Variants in NUBPL observed in about 807,000 individuals in gnomAD.
NUBPL encodes iron-sulfur cluster transfer protein NUBPL.
A neutral mutation model predicts 45.7 loss-of-function variants in NUBPL; 31 were observed. That is an observed-to-expected ratio of 0.68 (90% CI 0.51 to 0.92). The LOEUF is 0.92. Ranked by LOEUF, NUBPL falls within the 40% of genes least tolerant of loss-of-function variation. The pLI is 0.00. For synonymous variants in NUBPL, 144 were observed against 140.9 expected (o/e 1.02, Z -0.15); for missense variants, 401 against 398.7 (o/e 1.01, Z -0.05).
At chr14:31,707,848 C>A (rs1409915122) in intron 6 of NUBPL, among the ~76,000 whole-genome samples, 1 of 152,158 alleles carries the variant, frequency 6.6e-6, no homozygotes, top group Non-Finnish European at 1.5e-5. Flanking sequence ...TACTGAAGGA[C>A]CAGAGTGCCT....
At chr14:31,676,860 A>AT (rs1457052883) in intron 6 of NUBPL, among the ~76,000 whole-genome samples, 1 of 151,786 alleles carries the variant, frequency 6.6e-6, no homozygotes, top group African/African-American at 2.4e-5. Flanking sequence ...TATTGGGAGT[A>AT]TTTATCCCAG....
At chr14:31,811,001 G>C (rs1708160537) in intron 7 of NUBPL, among the ~76,000 whole-genome samples, 1 of 152,294 alleles carries the variant, frequency 6.6e-6, no homozygotes, top group Non-Finnish European at 1.5e-5. Flanking sequence ...TTAGTCTGAT[G>C]GGCTTCCCTT....
chr14:31,776,299 C>G (rs2039096767), intron 6 of NUBPL, among the ~76,000 whole-genome samples: 1 of 152,144 alleles, frequency 6.6e-6, no homozygotes, highest in South Asian at 2.1e-4. Flanking sequence ...ATTCTAAAAT[C>G]ATTGCTTTCG....
intron 7 of NUBPL, among the ~76,000 whole-genome samples, chr14:31,806,462 C>T (rs2039688343): frequency 6.6e-6 from 1 of 152,134 alleles, no homozygotes; most frequent in African/African-American, 2.4e-5. Flanking sequence ...TGAACAAACA[C>T]TGGAAACCAA....
intron 4 of NUBPL, among the ~76,000 whole-genome samples, chr14:31,669,573 A>G (rs1285738084): frequency 6.6e-6 from 1 of 151,672 alleles, no homozygotes; most frequent in Non-Finnish European, 1.5e-5. Flanking sequence ...CAGATATTAA[A>G]CCTAGTACTC....
At chr14:31,679,545 A>G (rs1019097741) in intron 6 of NUBPL, among the ~76,000 whole-genome samples, 7 of 152,198 alleles carry the variant, frequency 4.6e-5, no homozygotes, top group Non-Finnish European at 1.0e-4. Context: ...ATTTATTTAT[A>G]TATTAGATAA....
chr14:31,631,155 T>C (rs976010513), intron 4 of NUBPL, among the ~76,000 whole-genome samples: 4 of 152,182 alleles, frequency 2.6e-5, no homozygotes, highest in East Asian at 1.9e-4. Context: ...TCAGGAGTTA[T>C]AGTCTTCCCT....
intron 4 of NUBPL, among the ~76,000 whole-genome samples, chr14:31,660,024 T>C (rs2036231030): frequency 6.6e-6 from 1 of 152,196 alleles, no homozygotes; most frequent in Non-Finnish European, 1.5e-5. Flanking sequence ...ATAAATGGAA[T>C]TTTAATATTA....
intron 6 of NUBPL, among the ~76,000 whole-genome samples, chr14:31,786,960 A>G (rs1296983146): frequency 3.9e-5 from 6 of 152,220 alleles, no homozygotes; most frequent in African/African-American, 9.6e-5. Context: ...AGGCTTTAAT[A>G]ATAACAGATG....
intron 6 of NUBPL, among the ~76,000 whole-genome samples, chr14:31,725,432 C>T (rs2037899006): frequency 6.6e-6 from 1 of 152,074 alleles, no homozygotes; most frequent in South Asian, 2.1e-4. Flanking sequence ...TTTTGGATAT[C>T]AGATTTTTTT....
rs35735613 is a variant in NUBPL, at chr14:31,739,252, A to AT, written c.514-48516dup. ...TATATATTATATTCTATATATATAT[A>AT]TTTTTTTTTTTTAGTAGAGATGGGG... On this transcript the variant is annotated intron_variant, in intron 6 of 10. Transcript: ENST00000281081. Among the ~76,000 whole-genome samples, 309 of 110,800 alleles carry AT rather than the reference A, an allele frequency of 2.8e-3. 2 individuals carry two copies. The highest frequency in any genetic ancestry group is 0.014 in the African/African-American group (251 of 18,362). 72.7% of individuals were successfully genotyped at this position (110,800 alleles called of 152,430 possible). A position where few individuals can be genotyped will look rare whatever the true frequency, so the allele number is the denominator to read the frequency against.
intron 6 of NUBPL, among the ~76,000 whole-genome samples, chr14:31,769,159 C>T (rs1350059821): frequency 3.3e-5 from 5 of 152,090 alleles, no homozygotes; most frequent in Non-Finnish European, 4.4e-5. Flanking sequence ...CAGTGTCCGG[C>T]GCAACATATT....
intron 4 of NUBPL, among the ~76,000 whole-genome samples, chr14:31,605,731 TCTTCTTCTTCTTCTTC>T (rs2139580441): frequency 6.6e-6 from 1 of 150,974 alleles, no homozygotes; most frequent in South Asian, 2.1e-4. Context: ...CTTTCTTCTT[TCTTCTTCTTCTTCTTC>T]CTTCCTTCCT....
intron 3 of NUBPL, among the ~76,000 whole-genome samples, chr14:31,570,562 A>G (rs545571284): frequency 1.3e-4 from 20 of 152,286 alleles, no homozygotes; most frequent in African/African-American, 4.3e-4. Flanking sequence ...TCCACATAGT[A>G]TTTATCAGTT....
At chr14:31,781,620 G>C (rs1451135311) in intron 6 of NUBPL, among the ~76,000 whole-genome samples, 1 of 152,164 alleles carries the variant, frequency 6.6e-6, no homozygotes, top group African/African-American at 2.4e-5. Context: ...GATGTCTTAA[G>C]ACACTCTTGT....
At chr14:31,591,984 A>G (rs2034154445) in intron 3 of NUBPL, among the ~76,000 whole-genome samples, 1 of 152,180 alleles carries the variant, frequency 6.6e-6, no homozygotes, top group African/African-American at 2.4e-5. Flanking sequence ...TAAGTTAAAT[A>G]GTATGTTAGA....
At chr14:31,808,427 A>C (rs1425978486) in intron 7 of NUBPL, among the ~76,000 whole-genome samples, 1 of 151,796 alleles carries the variant, frequency 6.6e-6, no homozygotes, top group Admixed American at 6.6e-5. Context: ...TCTGTCTGTT[A>C]TTTGTGTATA....
intron 7 of NUBPL, among the ~76,000 whole-genome samples, chr14:31,824,503 A>G (rs1433579290): frequency 6.6e-6 from 1 of 152,216 alleles, no homozygotes; most frequent in Non-Finnish European, 1.5e-5. Context: ...AACTTACAAA[A>G]TCAGTAAAAT....
At chr14:31,783,611 G>A (rs1039801549) in intron 6 of NUBPL, among the ~76,000 whole-genome samples, 1 of 150,198 alleles carries the variant, frequency 6.7e-6, no homozygotes, top group Admixed American at 6.7e-5. Flanking sequence ...TCTGCCTGTT[G>A]GGTTCAAGAG....
Sources: allele counts gnomAD v4.1 joint callset (sites outside exome capture counted in the v4.1 genomes callset), GRCh38; gene constraint gnomAD v4.1.1; transcripts MANE v1.5; gene names NCBI Gene and HGNC (gene_info 2026-07-23, HGNC 2026-07-21).